ASTN2: variants seen among roughly 807,000 people sequenced by gnomAD.
The protein encoded by ASTN2 is astrotactin-2.
A neutral mutation model predicts 139.8 loss-of-function variants in ASTN2; 54 were observed. The ratio of observed to expected loss-of-function variants is 0.39; its 90% CI spans 0.31 to 0.48. ASTN2 has a LOEUF of 0.48. ASTN2 is among the 20% of genes least tolerant of loss of function. The pLI is 0.95. For missense variants in ASTN2, 1,565 were observed against 1,725.1 expected, an observed-to-expected ratio of 0.91 and a Z score of 1.64; for synonymous variants, 756 against 719.5, an observed-to-expected ratio of 1.05 and a Z score of -0.81.
At chr9:116,967,185 G>T (rs1836035750) in intron 10 of ASTN2, among the ~76,000 whole-genome samples, 2 of 152,056 alleles carry the variant, frequency 1.3e-5, no homozygotes, top group African/African-American at 2.4e-5. Context: ...ATGACTATGG[G>T]GCTAAAAGTT....
At chr9:117,256,091 G>A (rs1017452843) in intron 2 of ASTN2, among the ~76,000 whole-genome samples, 1 of 152,178 alleles carries the variant, frequency 6.6e-6, no homozygotes, top group Non-Finnish European at 1.5e-5. Flanking sequence ...CTCACACCAA[G>A]CCTGCAAGTT....
intron 1 of ASTN2, among the ~76,000 whole-genome samples, chr9:117,343,457 T>C (rs1186200789): frequency 6.6e-6 from 1 of 152,198 alleles, no homozygotes; most frequent in Non-Finnish European, 1.5e-5. Flanking sequence ...ACATTTGAAC[T>C]GCTGTGATGT....
intron 2 of ASTN2, among the ~76,000 whole-genome samples, chr9:117,231,876 C>T (rs373163464): frequency 1.5e-3 from 229 of 152,264 alleles, no homozygotes; most frequent in African/African-American, 5.1e-3. Flanking sequence ...AATCTTCTTC[C>T]TTGTTCTCTG....
chr9:116,631,581 G>A (rs941399671), intron 17 of ASTN2, among the ~76,000 whole-genome samples: 1 of 151,994 alleles, frequency 6.6e-6, no homozygotes, highest in Non-Finnish European at 1.5e-5. Context: ...GAGAGAGAGA[G>A]GGGGATGAAA....
Position 116,697,985 on chromosome 9 carries a change from A to G in ASTN2, c.2806+27786T>C, listed in dbSNP as rs769040262. 4 of 1,614,118 alleles carry G rather than the reference A, an allele frequency of 2.5e-6. No individual in the cohort carries two copies. Among genetic ancestry groups the G allele is most frequent in the Non-Finnish European group, 3.4e-6 (4 of 1,180,054 alleles). On this transcript the variant is annotated intron_variant, in intron 16 of 22. Transcript: ENST00000313400. ...TGACCCAGCTGACAGACAATCTGAC[A>G]GTGCTAAAGATCATTGATACAGCTG...
chr9:116,763,781 C>G (rs941851536), intron 13 of ASTN2, among the ~76,000 whole-genome samples: 6 of 152,210 alleles, frequency 3.9e-5, no homozygotes, highest in African/African-American at 1.4e-4. Flanking sequence ...TGCATTCCAG[C>G]ATTGGGTTAA....
intron 19 of ASTN2, among the ~76,000 whole-genome samples, chr9:116,545,320 A>G (rs991308833): frequency 1.2e-4 from 19 of 152,270 alleles, no homozygotes; most frequent in Non-Finnish European, 7.3e-5. Context: ...AAATTGGAAA[A>G]TGAACTGTGG....
chr9:117,211,928 C>G (rs957467406), intron 3 of ASTN2, among the ~76,000 whole-genome samples: 1 of 33,394 alleles, frequency 3.0e-5, no homozygotes, highest in African/African-American at 8.7e-5. Context: ...ATGAAAAGAC[C>G]TCCCATGCTC....
intron 13 of ASTN2, among the ~76,000 whole-genome samples, chr9:116,758,610 C>T (rs185778460): frequency 4.6e-5 from 7 of 152,330 alleles, no homozygotes; most frequent in African/African-American, 1.7e-4. Context: ...AAATTCATCC[C>T]TGTTCTGCAA....
intron 3 of ASTN2, among the ~76,000 whole-genome samples, chr9:117,164,368 T>C (rs1830621499): frequency 6.6e-6 from 1 of 152,216 alleles, no homozygotes; most frequent in Admixed American, 6.5e-5. Context: ...TATGGATTCA[T>C]ACTCCAGGGT....
chr9:117,368,059 C>T (rs532232701), intron 1 of ASTN2, among the ~76,000 whole-genome samples: 2 of 152,138 alleles, frequency 1.3e-5, no homozygotes, highest in African/African-American at 4.8e-5. Flanking sequence ...GAAAAGTGAG[C>T]TTGAATAGAA....
intron 16 of ASTN2, among the ~76,000 whole-genome samples, chr9:116,713,240 C>A (rs1016993464): frequency 1.2e-4 from 18 of 152,152 alleles, no homozygotes; most frequent in African/African-American, 3.9e-4. Flanking sequence ...ACCCCGGAGA[C>A]TTATTGAATC....
intron 2 of ASTN2, among the ~76,000 whole-genome samples, chr9:117,248,477 G>A (rs1372304601): frequency 1.3e-5 from 2 of 152,168 alleles, no homozygotes; most frequent in South Asian, 4.1e-4. Context: ...ACAATATAAG[G>A]CTGGGAGTGG....
rs149478457 is a variant in ASTN2 at position 117,198,645 on chromosome 9, T to C, written c.1015+15713A>G. On this transcript the variant is annotated intron_variant, in intron 3 of 22. Coordinates refer to ENST00000313400, the MANE Select transcript of ASTN2 (RefSeq NM_001365068.1). ...ATAGAATGATTTATATTCCTTTGGG[T>C]ATATACCCAGTAATGAGATTGCTGG... Among the ~76,000 whole-genome samples, 522 of 152,306 alleles carry C rather than the reference T, an allele frequency of 3.4e-3. 5 individuals carry two copies. Among genetic ancestry groups the C allele is most frequent in the African/African-American group, 0.011 (474 of 41,562 alleles).
intron 19 of ASTN2, among the ~76,000 whole-genome samples, chr9:116,588,360 C>T (rs1854243898): frequency 6.6e-6 from 1 of 152,172 alleles, no homozygotes; most frequent in African/African-American, 2.4e-5. Flanking sequence ...TTCAGAGTTA[C>T]AAAATGGAGC....
At chr9:116,938,548 T>C (rs994775293) in intron 10 of ASTN2, among the ~76,000 whole-genome samples, 4 of 151,986 alleles carry the variant, frequency 2.6e-5, no homozygotes, top group Non-Finnish European at 5.9e-5. Context: ...TCCTCAACAA[T>C]ACCCCCCACT....
chr9:116,761,374 G>C (rs1343622811), intron 13 of ASTN2, among the ~76,000 whole-genome samples: 1 of 152,190 alleles, frequency 6.6e-6, no homozygotes, highest in African/African-American at 2.4e-5. Flanking sequence ...TGTTGAAATA[G>C]ACATGGGAAC....
intron 6 of ASTN2, among the ~76,000 whole-genome samples, chr9:117,015,449 A>G (rs1393857993): frequency 6.6e-6 from 1 of 152,186 alleles, no homozygotes; most frequent in Non-Finnish European, 1.5e-5. Context: ...AACCAAATTT[A>G]TAGTATAACA....
intron 7 of ASTN2, among the ~76,000 whole-genome samples, chr9:116,984,850 TAA>T (rs1836632335): frequency 6.6e-6 from 1 of 152,196 alleles, no homozygotes; most frequent in South Asian, 2.1e-4. Flanking sequence ...CAAATCTTGT[TAA>T]AATTCCAGCC....
Sources: allele counts gnomAD v4.1 joint callset (sites outside exome capture counted in the v4.1 genomes callset), GRCh38; gene constraint gnomAD v4.1.1; transcripts MANE v1.5; gene names NCBI Gene and HGNC (gene_info 2026-07-23, HGNC 2026-07-21).